The following RYR2 variants were observed in gnomAD, a reference collection of about 807,000 sequenced individuals.
RYR2 encodes ryanodine receptor 2.
A neutral mutation model predicts 601.1 loss-of-function variants in RYR2; 227 were observed. That is an observed-to-expected ratio of 0.38 (90% CI 0.34 to 0.42). The LOEUF is 0.42. Ranked by LOEUF, RYR2 falls within the 10% of genes least tolerant of loss-of-function variation. The pLI, the probability that RYR2 is intolerant of heterozygous loss-of-function variation, is 1.00. For missense variants in RYR2, 4,646 were observed against 6,156.5 expected (o/e 0.75, Z 8.21); for synonymous variants, 2,223 against 2,175.1 (o/e 1.02, Z -0.61).
At chr1:237,355,512 A>G (rs1699218242) in intron 3 of RYR2, among the ~76,000 whole-genome samples, 5 of 152,194 alleles carry the variant, frequency 3.3e-5, no homozygotes, top group Admixed American at 6.5e-5. Flanking sequence ...ATGAAATGCT[A>G]GAAAGATTAG....
intron 14 of RYR2, among the ~76,000 whole-genome samples, chr1:237,452,589 T>A (rs927490375): frequency 9.4e-5 from 14 of 148,240 alleles, no homozygotes; most frequent in Non-Finnish European, 3.0e-5. Flanking sequence ...TTTTCATTTT[T>A]CTTCTGGATA....
intron 101 of RYR2, among the ~76,000 whole-genome samples, chr1:237,824,774 C>G (rs564627592): frequency 6.6e-6 from 1 of 152,246 alleles, no homozygotes; most frequent in African/African-American, 2.4e-5. Flanking sequence ...TTAGAAAACC[C>G]CATCATCTCA....
intron 1 of RYR2, among the ~76,000 whole-genome samples, chr1:237,129,731 G>A (rs1671949697): frequency 6.6e-6 from 1 of 150,534 alleles, no homozygotes; most frequent in Non-Finnish European, 1.5e-5. Flanking sequence ...TAGTATAATA[G>A]TATAATGAAA....
chr1:237,195,117 T>A (rs1176377345), intron 1 of RYR2, among the ~76,000 whole-genome samples: 1 of 152,254 alleles, frequency 6.6e-6, no homozygotes, highest in Non-Finnish European at 1.5e-5. Context: ...ATTTTCCTAA[T>A]GTTTACTTTT....
chr1:237,234,121 G>A (rs1305138179), intron 1 of RYR2, among the ~76,000 whole-genome samples: 1 of 152,184 alleles, frequency 6.6e-6, no homozygotes, highest in Admixed American at 6.5e-5. Flanking sequence ...CATGGAGTAT[G>A]TGTTTTCCTT....
intron 82 of RYR2, 146 bp downstream of exon 82, chr1:237,757,922 G>A: frequency 7.9e-6 from 4 of 505,628 alleles, no homozygotes; most frequent in Admixed American, 3.5e-5. Context: ...GAGCAAAAGA[G>A]GGAAAAAGTA....
At chr1:237,138,009 A>G (rs1672969624) in intron 1 of RYR2, among the ~76,000 whole-genome samples, 1 of 148,616 alleles carries the variant, frequency 6.7e-6, no homozygotes, top group Non-Finnish European at 1.5e-5. Flanking sequence ...CCACTTTTGC[A>G]CTGGATATAT....
chr1:237,808,962 A>AT lies in RYR2; in HGVS notation c.14366dup (p.Arg4790ProfsTer6). ...TACCTATACACTGTGGTGGCATTCAATTTTTTCCGAAAATTCTACAATAAA... is the reference window on the plus strand; with the variant it reads ...TACCTATACACTGTGGTGGCATTCAATTTTTTTCCGAAAATTCTACAATAAA... On this transcript the variant is annotated frameshift_variant, in exon 100 of 105. Coordinates refer to ENST00000366574, the MANE Select transcript of RYR2 (RefSeq NM_001035.3). LOFTEE classifies it high-confidence loss of function. 1.2e-6 allele frequency: 2 copies of AT among 1,613,028 alleles called. No homozygotes were observed. Among genetic ancestry groups the AT allele is most frequent in the Non-Finnish European group, 1.7e-6 (2 of 1,179,082 alleles).
At chr1:237,189,778 A>G (rs188583637) in intron 1 of RYR2, among the ~76,000 whole-genome samples, 2 of 152,354 alleles carry the variant, frequency 1.3e-5, no homozygotes, top group East Asian at 1.9e-4. Flanking sequence ...ACCTTTTTAT[A>G]GCAGCACAAA....
At chr1:237,533,846 TA>T (rs910860086) in intron 25 of RYR2, among the ~76,000 whole-genome samples, 7 of 152,148 alleles carry the variant, frequency 4.6e-5, no homozygotes, top group African/African-American at 1.7e-4. Flanking sequence ...GTAATGTTAG[TA>T]ATGTTCTAAT....
At chr1:237,561,762 T>G (rs1186085424) in intron 27 of RYR2, among the ~76,000 whole-genome samples, 1 of 152,136 alleles carries the variant, frequency 6.6e-6, no homozygotes, top group Non-Finnish European at 1.5e-5. Context: ...GCTTGATGTG[T>G]GATCACAGTT....
In RYR2 at chr1:237,756,273, G is replaced by A; in HGVS notation, c.11146-15G>A. 6.4e-7 allele frequency: 1 copy of A among 1,567,058 alleles called. No homozygotes were observed. The highest frequency in any genetic ancestry group is 8.8e-7 in the Non-Finnish European group (1 of 1,137,464). Reference sequence around the variant, plus strand: ...ACTGATACCCTCAACATAAATGGTTGGGATTTGTGTTCAGGAAAAAGAAAT... The same window carrying A: ...ACTGATACCCTCAACATAAATGGTTAGGATTTGTGTTCAGGAAAAAGAAAT... On this transcript the variant is annotated splice_polypyrimidine_tract_variant and intron_variant, in intron 80 of 104. Transcript: ENST00000366574.
At chr1:237,534,715 C>G (rs1283707707) in intron 25 of RYR2, among the ~76,000 whole-genome samples, 3 of 151,914 alleles carry the variant, frequency 2.0e-5, no homozygotes, top group African/African-American at 7.2e-5. Context: ...AAAAAGATAA[C>G]CCATATTTCT....
At chr1:237,483,189 A>G (rs1474444486) in intron 17 of RYR2, among the ~76,000 whole-genome samples, 1 of 152,144 alleles carries the variant, frequency 6.6e-6, no homozygotes, top group Non-Finnish European at 1.5e-5. Flanking sequence ...TCCTCTGATC[A>G]GTGTTGTCCA....
intron 80 of RYR2, among the ~76,000 whole-genome samples, 177 bp from the exon 81 acceptor site, chr1:237,756,111 A>G (rs916188065): frequency 1.8e-4 from 3 of 17,102 alleles, no homozygotes. Context: ...TAAAGGGGGA[A>G]AAAAAAACAA....
chr1:237,340,601 A>T (rs1697686884), intron 3 of RYR2, among the ~76,000 whole-genome samples: 1 of 152,232 alleles, frequency 6.6e-6, no homozygotes, highest in African/African-American at 2.4e-5. Context: ...ATTCTCAAAT[A>T]TCTAGTCTAA....
Position 237,085,360 on chromosome 1 carries a change from T to C in RYR2, c.48+42791T>C, listed in dbSNP as rs563198533. On this transcript the variant is annotated intron_variant, in intron 1 of 104. Coordinates refer to ENST00000366574, the MANE Select transcript of RYR2 (RefSeq NM_001035.3). ...TGAGTTTCAGTTATTGGTTCTACTA[T>C]TGGAAAAGTTACTCTTGTCTTTTGG... Among the ~76,000 whole-genome samples the C allele has an allele frequency of 4.6e-5, 7 of 152,342 alleles. No homozygotes were observed. The South Asian group carries it at 8.3e-4, about 18-fold the overall frequency.
intron 1 of RYR2, among the ~76,000 whole-genome samples, chr1:237,087,674 C>T (rs1666500436): frequency 1.3e-5 from 2 of 152,018 alleles, no homozygotes; most frequent in South Asian, 4.2e-4. Flanking sequence ...GTGGATCTCA[C>T]CACATTCTCG....
intron 1 of RYR2, among the ~76,000 whole-genome samples, chr1:237,137,125 T>G (rs1672881439): frequency 6.6e-6 from 1 of 152,128 alleles, no homozygotes; most frequent in Non-Finnish European, 1.5e-5. Flanking sequence ...TGCAAAAGTT[T>G]ACTTTACTTC....
Sources: gnomAD v4.1 joint callset for allele counts (sites outside exome capture counted in the v4.1 genomes callset) on GRCh38, gnomAD v4.1.1 for gene constraint, MANE v1.5 for transcripts, NCBI Gene and HGNC (gene_info 2026-07-23, HGNC 2026-07-21) for gene names.